Variants in ABCA13 observed in about 807,000 individuals in gnomAD.
ABCA13 encodes ATP-binding cassette sub-family A member 13.
A neutral mutation model predicts 478.7 loss-of-function variants in ABCA13; 476 were observed. The observed-to-expected ratio is 0.99, with a 90% CI of 0.92 to 1.07. ABCA13 has a LOEUF of 1.07. ABCA13 is among the 50% of genes least tolerant of loss of function. The pLI, the probability that ABCA13 is intolerant of heterozygous loss-of-function variation, is 0.00. For synonymous variants in ABCA13, 2,252 were observed against 2,158.9 expected, an observed-to-expected ratio of 1.04 and a Z score of -1.20; for missense variants, 6,060 against 5,910.6, an observed-to-expected ratio of 1.03 and a Z score of -0.83.
chr7:48,501,174 T>C (rs1585611707), intron 48 of ABCA13, among the ~76,000 whole-genome samples: 1 of 151,896 alleles, frequency 6.6e-6, no homozygotes. Context: ...TGGAGGGAGG[T>C]GGGGAGTGAA....
At chr7:48,592,430 C>G (rs1789854659) in intron 57 of ABCA13, among the ~76,000 whole-genome samples, 1 of 151,860 alleles carries the variant, frequency 6.6e-6, no homozygotes, top group Non-Finnish European at 1.5e-5. Flanking sequence ...CCATGGTGGT[C>G]TGAAATGATA....
At chr7:48,373,880 C>T (rs764366231) in intron 33 of ABCA13, among the ~76,000 whole-genome samples, 2 of 152,120 alleles carry the variant, frequency 1.3e-5, no homozygotes, top group South Asian at 2.1e-4. Flanking sequence ...AATGGGGTTT[C>T]GTTCTAACAT....
In ABCA13 at chr7:48,372,176, G is replaced by C. The variant is rs770002745; in HGVS notation, c.10812G>C (p.Arg3604=). Residue 3604 remains arginine, a synonymous_variant, in exon 33 of 62, where the codon CGG becomes CGC. Coordinates refer to ENST00000435803, the MANE Select transcript of ABCA13 (RefSeq NM_152701.5). ...EQEIQIEEYM[R]MMGVHPVIHF... ...TTTTCTCTTTTTGGTAGTATATGCG[G>C]ATGATGGGAGTGCATCCAGTGATCC... 6.2e-7 allele frequency: 1 copy of C among 1,612,536 alleles called. No individual in the cohort carries two copies. Among genetic ancestry groups the C allele is most frequent in the African/African-American group, 1.3e-5 (1 of 74,888 alleles).
chr7:48,417,260 T>A (rs939059296), intron 41 of ABCA13, among the ~76,000 whole-genome samples: 9 of 152,312 alleles, frequency 5.9e-5, no homozygotes, highest in African/African-American at 1.9e-4. Context: ...AATGATGACA[T>A]GCATTTGTGT....
intron 20 of ABCA13, among the ~76,000 whole-genome samples, chr7:48,290,861 C>T (rs979368761): frequency 4.5e-5 from 6 of 131,926 alleles, no homozygotes; most frequent in African/African-American, 1.4e-4. Context: ...AAAGGGATCT[C>T]TTTGGAGCAA....
intron 29 of ABCA13, among the ~76,000 whole-genome samples, chr7:48,346,607 T>G (rs1808145452): frequency 6.6e-6 from 1 of 152,184 alleles, no homozygotes. Flanking sequence ...TTAAAGATAT[T>G]CAGTTGGAGC....
At chr7:48,528,076 G>A (rs1413143797) in intron 54 of ABCA13, among the ~76,000 whole-genome samples, 160 bp from the exon 55 acceptor site, 1 of 152,102 alleles carries the variant, frequency 6.6e-6, no homozygotes, top group Non-Finnish European at 1.5e-5. Flanking sequence ...ATACACTATT[G>A]TCATTTTAAA....
chr7:48,454,868 G>A (rs1249560727), intron 42 of ABCA13, among the ~76,000 whole-genome samples, 169 bp from the exon 43 acceptor site: 2 of 152,208 alleles, frequency 1.3e-5, no homozygotes, highest in Non-Finnish European at 2.9e-5. Context: ...CCCAGCTTCC[G>A]CACTTTAGGT....
chr7:48,424,222 G>A (rs980144788), intron 41 of ABCA13, among the ~76,000 whole-genome samples: 2 of 152,096 alleles, frequency 1.3e-5, no homozygotes, highest in Non-Finnish European at 2.9e-5. Flanking sequence ...TTTTGATCAG[G>A]ACTTTTATAC....
At chr7:48,246,610 T>C (rs1040403802) in intron 13 of ABCA13, among the ~76,000 whole-genome samples, 12 of 149,674 alleles carry the variant, frequency 8.0e-5, no homozygotes, top group Admixed American at 3.3e-4. Flanking sequence ...CTTTTTTTTT[T>C]ATATCCTTAT....
intron 31 of ABCA13, among the ~76,000 whole-genome samples, chr7:48,356,509 AC>A: frequency 6.6e-6 from 1 of 151,844 alleles, no homozygotes; most frequent in Non-Finnish European, 1.5e-5. Context: ...AGAGACCTCA[AC>A]AAGTGGAGAG....
intron 32 of ABCA13, among the ~76,000 whole-genome samples, chr7:48,368,871 C>T (rs1812194707): frequency 6.6e-6 from 1 of 151,418 alleles, no homozygotes; most frequent in South Asian, 2.1e-4. Context: ...GCGAATTGTG[C>T]TGCTATAAAC....
rs1199129192 is a variant in ABCA13 at position 48,433,446 on chromosome 7, AT to A, written c.12565+5576del. ...AAATGTGTTTTTATATATGATAAAT[AT>A]ATAATATAAGTACATATATTTATAT... is the stretch of plus-strand genomic sequence containing the variant. On this transcript the variant is annotated intron_variant, in intron 42 of 61. Coordinates refer to ENST00000435803, the MANE Select transcript of ABCA13 (RefSeq NM_152701.5). Among the ~76,000 whole-genome samples, 6 of 148,454 alleles carry A rather than the reference AT, an allele frequency of 4.0e-5. 1 individual carries two copies. The highest frequency in any genetic ancestry group is 6.7e-5 in the Admixed American group (1 of 14,860).
rs745853850 is a variant in ABCA13 at position 48,580,222 on chromosome 7, A to G, written c.14355-2A>G. 13 of 1,607,524 alleles carry G rather than the reference A, an allele frequency of 8.1e-6. No homozygotes were observed. In the South Asian group the frequency reaches 1.4e-4, roughly 18 times the overall value. ...CTCAGCCTGTGCTGCTTCTCTCTGC[A>G]GAGACGCCGTGGACCTGTCTTCTGC... On this transcript the variant is annotated splice_acceptor_variant, in intron 55 of 61. Coordinates refer to ENST00000435803, the MANE Select transcript of ABCA13 (RefSeq NM_152701.5). LOFTEE classifies it high-confidence loss of function.
intron 3 of ABCA13, among the ~76,000 whole-genome samples, chr7:48,216,934 TTC>T (rs1398206160): frequency 6.6e-6 from 1 of 152,222 alleles, no homozygotes; most frequent in Non-Finnish European, 1.5e-5. Context: ...TTTCTGGAAT[TTC>T]TCTCAGGAAT....
chr7:48,327,190 A>G lies in ABCA13; in HGVS notation c.10000-8232A>G, dbSNP rs185085787. On this transcript the variant is annotated intron_variant, in intron 27 of 61. Coordinates refer to ENST00000435803, the MANE Select transcript of ABCA13 (RefSeq NM_152701.5). ...AGGTTTAATTGACTCACAGTTTCACATGGCTGGGGAGGCCTCAGGAAACTT... is the reference window on the plus strand; with the variant it reads ...AGGTTTAATTGACTCACAGTTTCACGTGGCTGGGGAGGCCTCAGGAAACTT... Among the ~76,000 whole-genome samples, 480 of 152,320 alleles carry G rather than the reference A, an allele frequency of 3.2e-3. 3 individuals carry two copies. The highest frequency in any genetic ancestry group is 0.011 in the African/African-American group (465 of 41,578).
At chr7:48,409,642 G>A (rs1021068217) in intron 39 of ABCA13, among the ~76,000 whole-genome samples, 1 of 151,914 alleles carries the variant, frequency 6.6e-6, no homozygotes, top group Non-Finnish European at 1.5e-5. Context: ...GATTCCAAAG[G>A]GTATCAATGT....
intron 48 of ABCA13, among the ~76,000 whole-genome samples, chr7:48,493,578 G>T (rs1184185651): frequency 6.6e-6 from 1 of 152,088 alleles, no homozygotes; most frequent in East Asian, 1.9e-4. Flanking sequence ...GGGTGGTGAT[G>T]ATAGCAGTTG....
chr7:48,628,043 G>T (rs868358238), intron 59 of ABCA13, among the ~76,000 whole-genome samples: 1 of 152,016 alleles, frequency 6.6e-6, no homozygotes, highest in African/African-American at 2.4e-5. Context: ...CCTGAACTTC[G>T]GGGGGACACG....
Sources: gnomAD v4.1 joint callset for allele counts (sites outside exome capture counted in the v4.1 genomes callset) on GRCh38, gnomAD v4.1.1 for gene constraint, MANE v1.5 for transcripts, NCBI Gene and HGNC (gene_info 2026-07-23, HGNC 2026-07-21) for gene names.